WIPF3: variants seen among roughly 807,000 people sequenced by gnomAD.
The protein encoded by WIPF3 is WAS/WASL interacting protein family member 3.
In WIPF3, 33 loss-of-function variants were observed where a neutral mutation model predicts 38.9. That is an observed-to-expected ratio of 0.85 (90% confidence interval 0.64 to 1.14). The LOEUF is 1.14. Among genes scored for constraint, WIPF3 ranks in the 50% most tolerant of loss-of-function variants. The pLI is 0.00. For missense variants in WIPF3, 711 were observed against 652.5 expected, an observed-to-expected ratio of 1.09 and a Z score of -0.98; for synonymous variants, 324 against 269.3, an observed-to-expected ratio of 1.20 and a Z score of -1.99.
chr7:29,827,336 A>T (rs1784631226), intron 1 of WIPF3, among the ~76,000 whole-genome samples: 1 of 152,246 alleles, frequency 6.6e-6, no homozygotes, highest in South Asian at 2.1e-4. Context: ...GAATTTGCTC[A>T]TTAAATGACA....
chr7:29,906,715 A>C (rs1301286271), intron 8 of WIPF3, among the ~76,000 whole-genome samples: 1 of 152,236 alleles, frequency 6.6e-6, no homozygotes, highest in Non-Finnish European at 1.5e-5. Flanking sequence ...AAAAAACCAC[A>C]CCAAAGAAAC....
intron 1 of WIPF3, among the ~76,000 whole-genome samples, chr7:29,818,687 T>G (rs1044053713): frequency 6.6e-6 from 1 of 151,898 alleles, no homozygotes; most frequent in Non-Finnish European, 1.5e-5. Context: ...TATTATACAA[T>G]TTAGTTCTTT....
chr7:29,882,922 T>G (rs1488912335), intron 4 of WIPF3, among the ~76,000 whole-genome samples: 4 of 152,300 alleles, frequency 2.6e-5, no homozygotes, highest in African/African-American at 9.6e-5. Flanking sequence ...CAAGGACATC[T>G]CTAAGCAGTA....
intron 7 of WIPF3, among the ~76,000 whole-genome samples, chr7:29,893,525 C>T (rs934205649): frequency 3.9e-5 from 6 of 152,120 alleles, no homozygotes; most frequent in Non-Finnish European, 7.4e-5. Context: ...TCAACTCAGT[C>T]CCTCCCAGAC....
chr7:29,851,325 C>G (rs758322082), intron 2 of WIPF3, among the ~76,000 whole-genome samples: 2 of 152,174 alleles, frequency 1.3e-5, no homozygotes, highest in Admixed American at 6.5e-5. Context: ...CGGCCACAAG[C>G]AAGTTCACAC....
At chr7:29,814,046 A>G (rs1317990228) in intron 1 of WIPF3, among the ~76,000 whole-genome samples, 1 of 151,760 alleles carries the variant, frequency 6.6e-6, no homozygotes, top group Non-Finnish European at 1.5e-5. Flanking sequence ...TTAGCCTCCC[A>G]GGTAGCTGGG....
At chr7:29,876,975 A>G (rs1785611746) in intron 3 of WIPF3, among the ~76,000 whole-genome samples, 1 of 152,138 alleles carries the variant, frequency 6.6e-6, no homozygotes, top group South Asian at 2.1e-4. Flanking sequence ...AGTTGAAATA[A>G]TATATGCAGA....
rs1490408471 is a variant in WIPF3, at chr7:29,875,965, A to G, written c.223+3A>G. The G allele has an allele frequency of 2.0e-5, 33 of 1,613,048 alleles. No homozygotes were observed. The Admixed American group carries it at 5.5e-4, about 27-fold the overall frequency. Reference sequence around the variant, plus strand: ...CCGCAGTGCCCCGCAGATCGAGAGTAAGTGAGCAGCCGGGCCAGGCCTCCT... The same window carrying G: ...CCGCAGTGCCCCGCAGATCGAGAGTGAGTGAGCAGCCGGGCCAGGCCTCCT... On this transcript the variant is annotated splice_donor_region_variant and intron_variant, in intron 3 of 8. Transcript: ENST00000242140.
At chr7:29,851,643 G>A (rs1785099316) in intron 2 of WIPF3, among the ~76,000 whole-genome samples, 1 of 152,242 alleles carries the variant, frequency 6.6e-6, no homozygotes, top group Non-Finnish European at 1.5e-5. Context: ...TGGACTTTAT[G>A]ACGTTCAATG....
chr7:29,848,809 A>G (rs1282499265), intron 2 of WIPF3, among the ~76,000 whole-genome samples: 2 of 152,170 alleles, frequency 1.3e-5, no homozygotes, highest in African/African-American at 4.8e-5. Flanking sequence ...GGAAAGACAT[A>G]ACAAGATGGG....
chr7:29,870,173 G>T (rs1334351176), intron 2 of WIPF3, among the ~76,000 whole-genome samples: 1 of 152,192 alleles, frequency 6.6e-6, no homozygotes, highest in Non-Finnish European at 1.5e-5. Context: ...CTTGAGGTGA[G>T]CACCAGCATG....
chr7:29,809,117 G>A (rs937499688), intron 1 of WIPF3, among the ~76,000 whole-genome samples: 2 of 152,144 alleles, frequency 1.3e-5, no homozygotes, highest in African/African-American at 4.8e-5. Flanking sequence ...GAAACATTAG[G>A]GTACAGTAGC....
At chr7:29,880,477 A>G (rs1473546195) in intron 4 of WIPF3, among the ~76,000 whole-genome samples, 1 of 152,226 alleles carries the variant, frequency 6.6e-6, no homozygotes, top group East Asian at 1.9e-4. Context: ...GTCTTCCTCA[A>G]TAAAGACAGT....
chr7:29,829,758 G>A (rs1252835945), intron 1 of WIPF3, among the ~76,000 whole-genome samples: 1 of 152,198 alleles, frequency 6.6e-6, no homozygotes, highest in Non-Finnish European at 1.5e-5. Context: ...ACCTGGGGCC[G>A]CCTGGTTCTG....
rs185702709 is a variant in WIPF3, at chr7:29,836,945, C to T, written c.90+2131C>T. ...GGCGGAGGTTGCAGTGAGCCAACAT[C>T]GCACCACTGCACTCCAGCCTGGGTG... On this transcript the variant is annotated intron_variant, in intron 2 of 8. Transcript: ENST00000242140. 9.6e-3 allele frequency among the ~76,000 whole-genome samples: 1,457 copies of T among 151,942 alleles called. 15 individuals are homozygous for T. Among genetic ancestry groups the T allele is most frequent in the Middle Eastern group, 0.014 (4 of 286 alleles).
chr7:29,853,891 T>A (rs1194441432), intron 2 of WIPF3, among the ~76,000 whole-genome samples: 1 of 152,214 alleles, frequency 6.6e-6, no homozygotes, highest in African/African-American at 2.4e-5. Context: ...TCTACTACCG[T>A]TTTCCTGGCT....
At chr7:29,856,589 C>CCA (rs1785190692) in intron 2 of WIPF3, among the ~76,000 whole-genome samples, 1 of 152,164 alleles carries the variant, frequency 6.6e-6, no homozygotes, top group Non-Finnish European at 1.5e-5. Flanking sequence ...TGTGAACTTG[C>CCA]CACTGCACAC....
chr7:29,905,327 A>G (rs1306092700), intron 8 of WIPF3: 1 of 152,250 alleles, frequency 6.6e-6, no homozygotes, highest in Non-Finnish European at 1.5e-5. Context: ...AAAGACAGGA[A>G]GAATATACAC....
chr7:29,836,166 T>C (rs919673775), intron 2 of WIPF3, among the ~76,000 whole-genome samples: 14 of 152,342 alleles, frequency 9.2e-5, no homozygotes, highest in African/African-American at 3.4e-4. Context: ...GGTATTGAAG[T>C]TTCACTGCTG....
Sources: gnomAD v4.1 joint callset for allele counts (sites outside exome capture counted in the v4.1 genomes callset) on GRCh38, gnomAD v4.1.1 for gene constraint, MANE v1.5 for transcripts, NCBI Gene and HGNC (gene_info 2026-07-23, HGNC 2026-07-21) for gene names.